The following GRAMD1C variants were observed in gnomAD, a reference collection of about 807,000 sequenced individuals.
GRAMD1C encodes the protein GRAM domain containing 1C, also known as protein Aster-C.
Under a neutral mutation model 97.8 loss-of-function variants are expected in GRAMD1C, and 89 were observed. The observed-to-expected ratio is 0.91, with a 90% confidence interval of 0.77 to 1.09. GRAMD1C has a LOEUF of 1.09. Among genes scored for constraint, GRAMD1C ranks in the 50% least tolerant of loss-of-function variants. The pLI, the probability that GRAMD1C is intolerant of heterozygous loss-of-function variation, is 0.00. For synonymous variants in GRAMD1C, 256 were observed against 267.0 expected (o/e 0.96, Z 0.40); for missense variants, 740 against 766.4 (o/e 0.97, Z 0.41).
At chr3:113,930,406 T>C (rs1220409377) in intron 10 of GRAMD1C, among the ~76,000 whole-genome samples, 8 of 152,218 alleles carry the variant, frequency 5.3e-5, no homozygotes. Flanking sequence ...TCATAGGTAC[T>C]GAGGACTTTA....
At position 113,932,614 on chromosome 3, in the gene GRAMD1C, A is replaced by G. The variant is rs559204836; in HGVS notation, c.1210-897A>G. Among the ~76,000 whole-genome samples the G allele has an allele frequency of 5.9e-5, 9 of 152,220 alleles. No individual in the cohort carries two copies. In the East Asian group the frequency reaches 1.2e-3, roughly 20 times the overall value. On this transcript the variant is annotated intron_variant, in intron 11 of 17. Coordinates refer to ENST00000358160, the MANE Select transcript of GRAMD1C (RefSeq NM_017577.5). ...AAAACTCTATAAACTTATAATACAC[A>G]TAAGAGATTATGTGGTTTGTCCTCA...
chr3:113,837,387 C>T (rs1280478280), upstream of GRAMD1C, among the ~76,000 whole-genome samples: 1 of 152,162 alleles, frequency 6.6e-6, no homozygotes, highest in Non-Finnish European at 1.5e-5. Context: ...ACCTGTGACA[C>T]AGTCTCAGGA....
chr3:113,868,540 T>C (rs1280747548), intron 2 of GRAMD1C, among the ~76,000 whole-genome samples: 1 of 152,154 alleles, frequency 6.6e-6, no homozygotes, highest in East Asian at 1.9e-4. Flanking sequence ...GTCTGCTCTG[T>C]TTATTATGGT....
intron 2 of GRAMD1C, 127 bp from the exon 3 acceptor site, chr3:113,869,380 G>T: frequency 1.6e-6 from 1 of 607,280 alleles, no homozygotes; most frequent in Admixed American, 3.6e-5. Context: ...TTTTTGAAAT[G>T]TTTATTTATA....
At chr3:113,906,148 A>G (rs754435673) in intron 8 of GRAMD1C, among the ~76,000 whole-genome samples, 3 of 152,234 alleles carry the variant, frequency 2.0e-5, no homozygotes, top group Non-Finnish European at 4.4e-5. Flanking sequence ...AGCACAAACA[A>G]TTATAGAAGT....
At chr3:113,912,739 C>CA (rs11461698) in intron 9 of GRAMD1C, among the ~76,000 whole-genome samples, 33,306 of 136,796 alleles carry the variant, frequency 0.24, 3,775 homozygotes, top group African/African-American at 0.31. Context: ...CCAGTCTCTT[C>CA]AAAAAAAAAA....
At chr3:113,865,403 A>G (rs2107361295) in intron 2 of GRAMD1C, among the ~76,000 whole-genome samples, 1 of 152,340 alleles carries the variant, frequency 6.6e-6, no homozygotes, top group Non-Finnish European at 1.5e-5. Context: ...GGAGTGTGCC[A>G]CAGATACTGA....
chr3:113,904,579 G>A (rs1284030985), intron 8 of GRAMD1C, among the ~76,000 whole-genome samples: 1 of 151,664 alleles, frequency 6.6e-6, no homozygotes, highest in Admixed American at 6.6e-5. Flanking sequence ...ATTTTCCCCA[G>A]GGTAAGTACT....
intron 2 of GRAMD1C, among the ~76,000 whole-genome samples, chr3:113,860,579 C>A (rs1331873584): frequency 6.6e-6 from 1 of 152,084 alleles, no homozygotes; most frequent in African/African-American, 2.4e-5. Context: ...CCAAAATAAT[C>A]TTGAAAAAGA....
chr3:113,902,649 CT>C (rs988318537), intron 7 of GRAMD1C, among the ~76,000 whole-genome samples: 1 of 151,984 alleles, frequency 6.6e-6, no homozygotes. Flanking sequence ...TGAATGCTTT[CT>C]TTTTTTTCTT....
intron 10 of GRAMD1C, among the ~76,000 whole-genome samples, chr3:113,926,901 G>A (rs1223391060): frequency 6.6e-6 from 1 of 152,124 alleles, no homozygotes; most frequent in Admixed American, 6.5e-5. Flanking sequence ...CTGGAGGGGT[G>A]GAGGTGTTCC....
At chr3:113,868,901 T>C (rs1275253428) in intron 2 of GRAMD1C, among the ~76,000 whole-genome samples, 3 of 152,102 alleles carry the variant, frequency 2.0e-5, no homozygotes, top group Non-Finnish European at 4.4e-5. Flanking sequence ...TCCTTCAAGA[T>C]CTTTCTAAGC....
intron 9 of GRAMD1C, among the ~76,000 whole-genome samples, chr3:113,914,459 C>T (rs1936726646): frequency 6.6e-6 from 1 of 152,154 alleles, no homozygotes; most frequent in South Asian, 2.1e-4. Context: ...TAGACTATTG[C>T]CCTTTGATTT....
chr3:113,864,108 C>A (rs902849328), intron 2 of GRAMD1C, among the ~76,000 whole-genome samples: 1 of 151,952 alleles, frequency 6.6e-6, no homozygotes, highest in Non-Finnish European at 1.5e-5. Context: ...TGCTTTGCTG[C>A]CTAGATACTT....
chr3:113,894,505 C>T (rs962184638), intron 6 of GRAMD1C, among the ~76,000 whole-genome samples: 1 of 152,150 alleles, frequency 6.6e-6, no homozygotes, highest in African/African-American at 2.4e-5. Flanking sequence ...TCTCGAACGC[C>T]TGACCTCAGG....
chr3:113,945,487 A>G lies in GRAMD1C; in HGVS notation c.*9A>G, dbSNP rs201793010. ...TGGCTGTTGAAAGCTAGTGATCTGA[A>G]GGACTAAAACCGCAGAGATACTTGG... is the stretch of plus-strand genomic sequence containing the variant. On this transcript the variant is annotated 3_prime_UTR_variant, in exon 18 of 18. Coordinates refer to ENST00000358160, the MANE Select transcript of GRAMD1C (RefSeq NM_017577.5). The G allele has an allele frequency of 1.1e-3, 1,635 of 1,488,034 alleles. 26 individuals are homozygous for G. In the South Asian group the frequency reaches 0.014, roughly 13 times the overall value. The allele number at this position is 1,488,034 out of a possible 1,614,324, so 92.2% of individuals were successfully genotyped here.
chr3:113,868,976 G>GT (rs1359397898), intron 2 of GRAMD1C, among the ~76,000 whole-genome samples: 1 of 151,272 alleles, frequency 6.6e-6, no homozygotes, highest in East Asian at 1.9e-4. Context: ...GCTTGGATTG[G>GT]TACAGAGTTT....
chr3:113,915,634 C>A, intron 9 of GRAMD1C, 67 bp from the exon 10 acceptor site: 6 of 1,292,754 alleles, frequency 4.6e-6, no homozygotes, highest in Non-Finnish European at 5.4e-6. Flanking sequence ...CCCACGAAAC[C>A]CCCTAAAGCC....
chr3:113,850,068 G>A (rs1280057345), intron 2 of GRAMD1C, among the ~76,000 whole-genome samples: 3 of 152,156 alleles, frequency 2.0e-5, no homozygotes, highest in African/African-American at 4.8e-5. Context: ...CGGACGGGGG[G>A]CTGAACCCCC....
Sources: gnomAD v4.1 joint callset for allele counts (sites outside exome capture counted in the v4.1 genomes callset) on GRCh38, gnomAD v4.1.1 for gene constraint, MANE v1.5 for transcripts, NCBI Gene and HGNC (gene_info 2026-07-23, HGNC 2026-07-21) for gene names.